Variants in ITGB3 observed in about 807,000 individuals in gnomAD.
ITGB3 encodes the protein integrin beta-3.
Under a neutral mutation model 85.8 loss-of-function variants are expected in ITGB3, and 48 were observed. That is an observed-to-expected ratio of 0.56 (90% CI 0.44 to 0.71). ITGB3 has a LOEUF of 0.71. Ranked by LOEUF, ITGB3 falls within the 30% of genes least tolerant of loss-of-function variation. ITGB3 has a pLI of 0.00. For synonymous variants in ITGB3, 363 were observed against 395.6 expected (o/e 0.92, Z 0.98); for missense variants, 861 against 1,019.1 (o/e 0.84, Z 2.11).
chr17:47,278,268 A>T (rs1420912170), intron 2 of ITGB3, among the ~76,000 whole-genome samples: 1 of 152,184 alleles, frequency 6.6e-6, no homozygotes, highest in Non-Finnish European at 1.5e-5. Context: ...AGTATGAAAT[A>T]ATAGTAGTTA....
At chr17:47,301,851 G>A (rs1438350087) in intron 12 of ITGB3, among the ~76,000 whole-genome samples, 2 of 152,074 alleles carry the variant, frequency 1.3e-5, no homozygotes, top group Admixed American at 6.6e-5. Flanking sequence ...CAAGGGAATG[G>A]CAAATTAAGA....
chr17:47,300,344 C>CGTGT (rs879063347), intron 11 of ITGB3, 134 bp from the exon 12 acceptor site: 288 of 690,146 alleles, frequency 4.2e-4, no homozygotes, highest in African/African-American at 1.1e-3. Context: ...GGCGCGCGCG[C>CGTGT]GCGTGTGTGT....
rs1448476748 is a variant in ITGB3, at chr17:47,310,905, CAG to C, written c.*702_*703del. The C allele has an allele frequency of 1.3e-5, 2 of 158,396 alleles. No individual in the cohort carries two copies. The highest frequency in any genetic ancestry group is 1.8e-4 in the East Asian group (1 of 5,528). 9.8% of individuals were successfully genotyped at this position (158,396 alleles called of 1,614,324 possible). On this transcript the variant is annotated 3_prime_UTR_variant, in exon 15 of 15. Coordinates refer to ENST00000559488, the MANE Select transcript of ITGB3 (RefSeq NM_000212.3). ...TGGGAGTGAGGATGTCTGGGCCACT[CAG>C]GGGTCATTCATGGCCTGGGGGATGT...
In ITGB3 at chr17:47,284,675, C is replaced by T. The variant is rs770239727; in HGVS notation, c.594C>T (p.Ala198=). The change falls in exon 4 of 15, where the codon GCC becomes GCT. Residue 198 remains alanine, a synonymous_variant. Coordinates refer to ENST00000559488, the MANE Select transcript of ITGB3 (RefSeq NM_000212.3). ...SPYMYISPPE[A]LENPCYDMKT... is the part of the protein sequence containing the mutation. The stretch of plus-strand genomic sequence containing the variant: ...ACATGTATATCTCCCCACCAGAGGC[C>T]CTCGAAAACCCCTGCTATGAGTAAG... 1.9e-6 allele frequency: 3 copies of T among 1,614,032 alleles called. No homozygotes were observed. Among genetic ancestry groups the T allele is most frequent in the Non-Finnish European group, 1.7e-6 (2 of 1,180,030 alleles).
In ITGB3 at chr17:47,283,564, CTT is replaced by C. The variant is rs757206999; in HGVS notation, c.361+17_361+18del. The C allele has an allele frequency of 5.6e-6, 9 of 1,613,542 alleles. No individual in the cohort carries two copies. In the Admixed American group the frequency reaches 1.0e-4, roughly 18 times the overall value. ...GCTCCGGCCAGGTAGGGCTGGGACT[CTT>C]TGCGGGGAGAGACCTGAAGCAGGTG... On this transcript the variant is annotated intron_variant, in intron 3 of 14. Transcript: ENST00000559488.
In ITGB3 at chr17:47,299,233, G is replaced by A; in HGVS notation, c.1691-75G>A. 1.5e-6 allele frequency: 2 copies of A among 1,343,742 alleles called. No individual in the cohort carries two copies. Among genetic ancestry groups the A allele is most frequent in the Non-Finnish European group, 2.1e-6 (2 of 945,962 alleles). The allele number at this position is 1,343,742 out of a possible 1,614,324, so 83.2% of individuals were successfully genotyped here. ...ATCTGTGTGGTTGGGAGAGCAGGAT[G>A]GTCGTGTGTAGCCTGCTGCCATGGG... is the stretch of plus-strand genomic sequence containing the variant. On this transcript the variant is annotated intron_variant, in intron 10 of 14. Coordinates refer to ENST00000559488, the MANE Select transcript of ITGB3 (RefSeq NM_000212.3). The surrounding 1 kb of genome is among the most constrained non-coding windows in gnomAD (Gnocchi z 5.1).
rs763708273 is a variant in ITGB3, at chr17:47,286,327, C to G, written c.682C>G (p.Arg228Gly). 15 of 1,614,172 alleles carry G rather than the reference C, an allele frequency of 9.3e-6. No homozygotes were observed. In the South Asian group the frequency reaches 1.6e-4, roughly 18 times the overall value. ...HVLTLTDQVT[R>G]FNEEVKKQSV... ...GCTGACGCTAACTGACCAGGTGACCCGCTTCAATGAGGAAGTGAAGAAGCA... is the reference window on the plus strand; with the variant it reads ...GCTGACGCTAACTGACCAGGTGACCGGCTTCAATGAGGAAGTGAAGAAGCA... The change falls in exon 5 of 15, where the codon CGC (arginine) becomes GGC (glycine). Residue 228 changes from arginine to glycine, a missense_variant. Transcript: ENST00000559488.
rs1448113760 is a variant in ITGB3 at position 47,310,390 on chromosome 17, G to A, written c.*186G>A. On this transcript the variant is annotated 3_prime_UTR_variant, in exon 15 of 15. Coordinates refer to ENST00000559488, the MANE Select transcript of ITGB3 (RefSeq NM_000212.3). ...TGTATGTGGGGGTCTGTGTGTTTAT[G>A]TGTGTGTGTTGTGTGTGGGAGTGTG... 2 of 677,016 alleles carry A rather than the reference G, an allele frequency of 3.0e-6. No individual in the cohort carries two copies. The highest frequency in any genetic ancestry group is 1.8e-5 in the African/African-American group (1 of 56,586). The allele number at this position is 677,016 out of a possible 1,614,324, so 41.9% of individuals were successfully genotyped here.
intron 13 of ITGB3, 142 bp downstream of exon 13, chr17:47,302,982 T>G: frequency 1.1e-6 from 1 of 941,314 alleles, no homozygotes; most frequent in South Asian, 1.5e-5. Flanking sequence ...GTGTGGTGGT[T>G]AACACCTGTA....
At chr17:47,302,637 G>A (rs188852881) in intron 12 of ITGB3, 84 bp from the exon 13 acceptor site, 5 of 1,535,506 alleles carry the variant, frequency 3.3e-6, no homozygotes, top group African/African-American at 2.7e-5. Flanking sequence ...ATACTTCCCT[G>A]GAAGTCCTGT....
chr17:47,265,622 G>A (rs921676547), intron 1 of ITGB3, among the ~76,000 whole-genome samples: 5 of 152,184 alleles, frequency 3.3e-5, no homozygotes, highest in African/African-American at 1.2e-4. Context: ...GATCACATCT[G>A]CAAAGACCTG....
rs2065039234 is a variant in ITGB3, at chr17:47,270,125, A to G, written c.80-4294A>G. On this transcript the variant is annotated intron_variant, in intron 1 of 14. Coordinates refer to ENST00000559488, the MANE Select transcript of ITGB3 (RefSeq NM_000212.3). ...CATCCCTGTGATTCTATTACCTCCC[A>G]CTGAGTCCCTCTCATGACCTGTGGG... 1.3e-5 allele frequency among the ~76,000 whole-genome samples: 2 copies of G among 152,204 alleles called. 1 individual carries two copies. The highest frequency in any genetic ancestry group is 4.1e-4 in the South Asian group (2 of 4,828).
At chr17:47,290,868 A>C in intron 8 of ITGB3, 86 bp from the exon 9 acceptor site, 1 of 1,532,644 alleles carries the variant, frequency 6.5e-7, no homozygotes, top group Non-Finnish European at 9.0e-7. Flanking sequence ...TACTTGCCAG[A>C]TTTGGCTTGG....
intron 1 of ITGB3, among the ~76,000 whole-genome samples, chr17:47,255,455 C>G (rs1376776004): frequency 6.6e-6 from 1 of 151,902 alleles, no homozygotes; most frequent in Non-Finnish European, 1.5e-5. Context: ...GATGGACTCT[C>G]GCTGTCGCCA....
intron 2 of ITGB3, 68 bp from the exon 3 acceptor site, chr17:47,283,286 G>GCCTGCCTA (rs2065090120): frequency 6.8e-7 from 1 of 1,474,632 alleles, no homozygotes; most frequent in African/African-American, 1.4e-5. Flanking sequence ...AAGTGGTAGG[G>GCCTGCCTA]CCTGCAGGAG....
chr17:47,260,806 TTC>T (rs2065006526), intron 1 of ITGB3, among the ~76,000 whole-genome samples: 1 of 152,252 alleles, frequency 6.6e-6, no homozygotes, highest in African/African-American at 2.4e-5. Flanking sequence ...CTTTTTTTTT[TTC>T]CATTCTCTTT....
intron 13 of ITGB3, among the ~76,000 whole-genome samples, chr17:47,303,207 G>A (rs1439859514): frequency 6.6e-6 from 1 of 152,050 alleles, no homozygotes; most frequent in South Asian, 2.1e-4. Context: ...CTGAGATCGC[G>A]CCACTGCACT....
intron 13 of ITGB3, among the ~76,000 whole-genome samples, chr17:47,304,425 A>G (rs36046953): frequency 0.077 from 11,750 of 152,316 alleles, 687 homozygotes; most frequent in East Asian, 0.22. Context: ...CATTGGCCAA[A>G]TGGAATTTAA....
intron 1 of ITGB3, among the ~76,000 whole-genome samples, chr17:47,256,962 T>C (rs2064992695): frequency 6.6e-6 from 1 of 152,190 alleles, no homozygotes; most frequent in Non-Finnish European, 1.5e-5. Context: ...GCCAGTAAGA[T>C]GTGGGTTTGA....
Sources: gnomAD v4.1 joint callset for allele counts (sites outside exome capture counted in the v4.1 genomes callset) on GRCh38, gnomAD v4.1.1 for gene constraint, Gnocchi (gnomAD v3.1) non-coding constraint, MANE v1.5 for transcripts, NCBI Gene and HGNC (gene_info 2026-07-23, HGNC 2026-07-21) for gene names.